LGSN: variants seen among roughly 807,000 people sequenced by gnomAD.
LGSN encodes the protein lengsin.
A neutral mutation model predicts 19.5 loss-of-function variants in LGSN; 21 were observed. The ratio of observed to expected loss-of-function variants is 1.07; its 90% confidence interval spans 0.76 to 1.55. The LOEUF (loss-of-function observed/expected upper bound fraction) is 1.55. LGSN is among the 40% of genes most tolerant of loss of function. LGSN has a pLI of 0.00. For synonymous variants in LGSN, 257 were observed against 215.6 expected, an observed-to-expected ratio of 1.19 and a Z score of -1.68; for missense variants, 673 against 608.5, an observed-to-expected ratio of 1.11 and a Z score of -1.12.
chr6:63,520,155 T>A, the LGSN span, among the ~76,000 whole-genome samples: 1 of 152,342 alleles, frequency 6.6e-6, no homozygotes, highest in African/African-American at 2.4e-5. Context: ...GATACTTTTC[T>A]CTCCTCTGTA....
upstream of LGSN, among the ~76,000 whole-genome samples, chr6:63,322,435 G>A (rs1389265881): frequency 2.6e-5 from 4 of 152,042 alleles, no homozygotes; most frequent in Non-Finnish European, 5.9e-5. Flanking sequence ...TATGGTTTCA[G>A]GTCAGCATAA....
chr6:63,292,872 G>A (rs1767832276), intron 2 of LGSN, among the ~76,000 whole-genome samples: 1 of 152,126 alleles, frequency 6.6e-6, no homozygotes, highest in Non-Finnish European at 1.5e-5. Flanking sequence ...GATTAACTTG[G>A]GGGATTCCAA....
At chr6:63,571,319 T>C in the LGSN span, 5 of 152,218 alleles carry the variant, frequency 3.3e-5, no homozygotes, top group African/African-American at 4.8e-5. Context: ...TCCAATCTCA[T>C]ACTCGGTGAA....
chr6:63,557,105 G>A, the LGSN span, among the ~76,000 whole-genome samples: 12 of 152,322 alleles, frequency 7.9e-5, no homozygotes, highest in Non-Finnish European at 1.3e-4. Context: ...ATAGAACACA[G>A]CCTTTGTCTT....
chr6:63,490,782 T>A, the LGSN span, among the ~76,000 whole-genome samples: 2 of 152,064 alleles, frequency 1.3e-5, no homozygotes, highest in Non-Finnish European at 2.9e-5. Context: ...AGTCTCATGA[T>A]CTGTCTGCAA....
At chr6:63,456,385 A>G in the LGSN span, among the ~76,000 whole-genome samples, 4 of 43,024 alleles carry the variant, frequency 9.3e-5, no homozygotes, top group South Asian at 1.4e-3. Flanking sequence ...ATATATATAT[A>G]TATATATACT....
At chr6:63,356,519 GCGA>G in the LGSN span, among the ~76,000 whole-genome samples, 1,376 of 152,138 alleles carry the variant, frequency 9.0e-3, 27 homozygotes, top group African/African-American at 0.032. Context: ...TCCACCCTGG[GCGA>G]CAAGAGCAAA....
At chr6:63,293,773 GA>G (rs1767864086) in intron 2 of LGSN, 3 of 456,584 alleles carry the variant, frequency 6.6e-6, no homozygotes, top group South Asian at 4.6e-5. Context: ...TCATATGACA[GA>G]TGAGACTCAG....
chr6:63,436,785 C>T, the LGSN span, among the ~76,000 whole-genome samples: 1 of 152,110 alleles, frequency 6.6e-6, no homozygotes, highest in Non-Finnish European at 1.5e-5. Context: ...CCTGTAATCC[C>T]AACACTTTGG....
At chr6:63,434,761 T>C in the LGSN span, among the ~76,000 whole-genome samples, 1 of 152,248 alleles carries the variant, frequency 6.6e-6, no homozygotes, top group African/African-American at 2.4e-5. Context: ...GTGCCTCCCA[T>C]TGGCCAAGCC....
chr6:63,379,210 G>T, the LGSN span, among the ~76,000 whole-genome samples: 2 of 151,636 alleles, frequency 1.3e-5, no homozygotes, highest in Admixed American at 6.6e-5. Flanking sequence ...CCTAGTTATG[G>T]TGTAGCAGCC....
the LGSN span, among the ~76,000 whole-genome samples, chr6:63,401,685 T>C: frequency 6.6e-6 from 1 of 152,232 alleles, no homozygotes; most frequent in African/African-American, 2.4e-5. Flanking sequence ...CATGGGCGTG[T>C]AGGTGAAAAT....
At chr6:63,539,166 T>A in the LGSN span, among the ~76,000 whole-genome samples, 3 of 152,188 alleles carry the variant, frequency 2.0e-5, no homozygotes, top group Non-Finnish European at 4.4e-5. Flanking sequence ...AGTACTGGGA[T>A]TACAGTCATG....
chr6:63,385,496 T>A, the LGSN span, among the ~76,000 whole-genome samples: 1 of 152,226 alleles, frequency 6.6e-6, no homozygotes, highest in Non-Finnish European at 1.5e-5. Flanking sequence ...ATCAATTGGA[T>A]AAAGTTTAGC....
the LGSN span, among the ~76,000 whole-genome samples, chr6:63,375,773 C>G: frequency 2.4e-3 from 366 of 152,156 alleles, no homozygotes; most frequent in African/African-American, 8.2e-3. Flanking sequence ...AGAAAGATAG[C>G]ATGTTAGGAA....
At chr6:63,316,921 G>A (rs1437187623) in intron 1 of LGSN, among the ~76,000 whole-genome samples, 2 of 151,934 alleles carry the variant, frequency 1.3e-5, no homozygotes, top group South Asian at 4.2e-4. Flanking sequence ...AAATGTGAGA[G>A]GGGAAGGTGC....
chr6:63,490,741 C>T, the LGSN span, among the ~76,000 whole-genome samples: 1 of 152,024 alleles, frequency 6.6e-6, no homozygotes, highest in Middle Eastern at 3.4e-3. Flanking sequence ...GCCCGGCTAC[C>T]AAAAGGGTAT....
Position 63,280,154 on chromosome 6 carries a change from A to T in LGSN, c.1397T>A (p.Leu466Gln). 6.2e-7 allele frequency: 1 copy of T among 1,614,260 alleles called. No homozygotes were observed. The highest frequency in any genetic ancestry group is 8.5e-7 in the Non-Finnish European group (1 of 1,180,040). ...PLKLEDALVA[L>Q]EEDQCLRQAL... Reference sequence around the variant, plus strand: ...CTGTCTCAGGCATTGATCTTCTTCCAGTGCCACAAGGGCATCTTCTAGTTT... The same window carrying T: ...CTGTCTCAGGCATTGATCTTCTTCCTGTGCCACAAGGGCATCTTCTAGTTT... The change falls in exon 4 of 4, where the codon CTG (leucine) becomes CAG (glutamine). Residue 466 changes from leucine (L) to glutamine (Q), a missense_variant. Leu to Gln is a moderately radical substitution (Grantham distance 113). Transcript: ENST00000370657.
chr6:63,512,272 A>C, the LGSN span, among the ~76,000 whole-genome samples: 1 of 152,174 alleles, frequency 6.6e-6, no homozygotes, highest in East Asian at 1.9e-4. Context: ...TATTAGAGGC[A>C]GGGTTTTGCC....
Sources: allele counts gnomAD v4.1 joint callset (sites outside exome capture counted in the v4.1 genomes callset), GRCh38; gene constraint gnomAD v4.1.1; transcripts MANE v1.5; gene names NCBI Gene and HGNC (gene_info 2026-07-23, HGNC 2026-07-21).